The following STXBP5 variants were observed in gnomAD, a reference collection of about 807,000 sequenced individuals.
The protein encoded by STXBP5 is syntaxin-binding protein 5.
STXBP5 carries 50 observed loss-of-function variants against 152.4 expected under a neutral mutation model. That is an observed-to-expected ratio of 0.33 (90% CI 0.26 to 0.42). The LOEUF (loss-of-function observed/expected upper bound fraction) is 0.42, where lower values mean the gene tolerates loss of function less well. Among genes scored for constraint, STXBP5 ranks in the 10% least tolerant of loss-of-function variants. The pLI, the probability that STXBP5 is intolerant of heterozygous loss-of-function variation, is 1.00. For synonymous variants in STXBP5, 492 were observed against 494.7 expected (o/e 0.99, Z 0.07); for missense variants, 1,167 against 1,388.6 (o/e 0.84, Z 2.54).
intron 9 of STXBP5, among the ~76,000 whole-genome samples, chr6:147,304,201 G>A (rs757258662): frequency 4.6e-5 from 7 of 152,094 alleles, no homozygotes; most frequent in African/African-American, 2.4e-5. Flanking sequence ...AAATGTTTTC[G>A]AGGGCCAGAT....
At chr6:147,278,248 A>C (rs368386128) in intron 8 of STXBP5, 44 bp downstream of exon 8, 2 of 1,492,604 alleles carry the variant, frequency 1.3e-6, no homozygotes, top group Non-Finnish European at 1.8e-6. Flanking sequence ...TGTAACGTAC[A>C]GTAAACTGTT....
intron 6 of STXBP5, among the ~76,000 whole-genome samples, chr6:147,265,828 C>G (rs958407258): frequency 2.6e-5 from 4 of 151,900 alleles, no homozygotes; most frequent in Non-Finnish European, 5.9e-5. Context: ...TAATCCTTGC[C>G]CCGATATCCC....
intron 8 of STXBP5, among the ~76,000 whole-genome samples, chr6:147,290,310 A>G (rs772220141): frequency 6.6e-6 from 1 of 152,210 alleles, no homozygotes; most frequent in Non-Finnish European, 1.5e-5. Context: ...GAATGTGACA[A>G]GTGCTATGGA....
intron 22 of STXBP5, among the ~76,000 whole-genome samples, chr6:147,357,002 A>C (rs1784844494): frequency 6.6e-6 from 1 of 152,172 alleles, no homozygotes; most frequent in African/African-American, 2.4e-5. Context: ...GTGTTTATTG[A>C]ATTCCTTTCA....
At chr6:147,269,272 G>T (rs619626) in intron 7 of STXBP5, among the ~76,000 whole-genome samples, 79,851 of 151,948 alleles carry the variant, frequency 0.53, 21,534 homozygotes, top group East Asian at 0.72. Flanking sequence ...AGCTGTTGTT[G>T]CAGTGGTGGA....
chr6:147,288,154 A>G (rs1339516349), intron 8 of STXBP5, among the ~76,000 whole-genome samples: 4 of 152,108 alleles, frequency 2.6e-5, no homozygotes, highest in African/African-American at 9.7e-5. Context: ...GGCAGCTGTA[A>G]TACTTCCAAC....
chr6:147,290,033 G>T (rs937770343), intron 8 of STXBP5, among the ~76,000 whole-genome samples: 2 of 152,006 alleles, frequency 1.3e-5, no homozygotes, highest in Non-Finnish European at 2.9e-5. Context: ...AACCCCATCT[G>T]TCATCTCTAC....
chr6:147,222,833 T>G (rs1777525825), intron 2 of STXBP5, among the ~76,000 whole-genome samples: 1 of 152,236 alleles, frequency 6.6e-6, no homozygotes, highest in Non-Finnish European at 1.5e-5. Flanking sequence ...TCTCTATGAC[T>G]GGGTTCCCCT....
At chr6:147,341,851 A>AT (rs1293143825) in intron 21 of STXBP5, among the ~76,000 whole-genome samples, 1 of 151,902 alleles carries the variant, frequency 6.6e-6, no homozygotes, top group East Asian at 1.9e-4. Flanking sequence ...TTATCTTATA[A>AT]TTTTTCTGGC....
rs1303728126 is a variant in STXBP5 at position 147,373,827 on chromosome 6, G to A, written c.3178G>A (p.Asp1060Asn). 2.5e-6 allele frequency: 4 copies of A among 1,610,716 alleles called. No homozygotes were observed. Among genetic ancestry groups the A allele is most frequent in the Admixed American group, 1.7e-5 (1 of 59,982 alleles). The part of the protein sequence containing the change: ...GLFGGGAQSL[D>N]REELFGESSS... Reference sequence around the variant, plus strand: ...ATTTGGAGGTGGTGCACAATCTCTTGACAGAGAAGAACTATGTAAGTTGAT... The same window carrying A: ...ATTTGGAGGTGGTGCACAATCTCTTAACAGAGAAGAACTATGTAAGTTGAT... The change falls in exon 26 of 28, where the codon GAC (aspartate) becomes AAC (asparagine). Residue 1060 changes from aspartate (D) to asparagine (N), a missense_variant. By Grantham distance (23) the Asp-to-Asn change is conservative. Coordinates refer to ENST00000321680, the MANE Select transcript of STXBP5 (RefSeq NM_001127715.4).
At chr6:147,294,247 C>T (rs1305117553) in intron 9 of STXBP5, among the ~76,000 whole-genome samples, 3 of 151,912 alleles carry the variant, frequency 2.0e-5, no homozygotes, top group Non-Finnish European at 4.4e-5. Flanking sequence ...GTGTGAACTC[C>T]GGAGTCAGAC....
At chr6:147,262,396 T>G (rs775859964) in intron 6 of STXBP5, 43 bp downstream of exon 6, 1 of 1,226,838 alleles carries the variant, frequency 8.2e-7, no homozygotes, top group South Asian at 1.5e-5. Context: ...TGCACAAATT[T>G]TAGTATTTTT....
intron 2 of STXBP5, among the ~76,000 whole-genome samples, chr6:147,233,532 TATTC>T (rs1462540054): frequency 2.0e-5 from 3 of 151,756 alleles, no homozygotes; most frequent in Non-Finnish European, 4.4e-5. Context: ...AAAATCAACT[TATTC>T]ATTGATTCCG....
Position 147,339,353 on chromosome 6 carries a change from A to G in STXBP5, c.2223A>G (p.Arg741=), listed in dbSNP as rs571568363. 41 of 1,500,372 alleles carry G rather than the reference A, an allele frequency of 2.7e-5. No homozygotes were observed. The East Asian group carries it at 1.0e-3, about 37-fold the overall frequency. The allele number at this position is 1,500,372 out of a possible 1,614,324, so 92.9% of individuals were successfully genotyped here. A position where few individuals can be genotyped will look rare whatever the true frequency, so the allele number is the denominator to read the frequency against. Residue 741 remains arginine (R), a synonymous_variant, in exon 21 of 28, where the codon AGA becomes AGG. Coordinates refer to ENST00000321680, the MANE Select transcript of STXBP5 (RefSeq NM_001127715.4). ...TGTTTTCAGTGAAGACCAAAAGCAGAAAGTTTTCCAAGATGGTAGCCAATG... is the reference window on the plus strand; with the variant it reads ...TGTTTTCAGTGAAGACCAAAAGCAGGAAGTTTTCCAAGATGGTAGCCAATG... The part of the protein sequence containing the change: ...NFIEKVKTKS[R]KFSKMVANDI...
chr6:147,356,576 A>G (rs891088686), intron 22 of STXBP5, among the ~76,000 whole-genome samples: 2 of 152,032 alleles, frequency 1.3e-5, no homozygotes, highest in African/African-American at 2.4e-5. Flanking sequence ...TGGAAATGCA[A>G]TCTCAAGCAA....
Position 147,359,142 on chromosome 6 carries a change from A to G in STXBP5, c.2364A>G (p.Lys788=). ...SRSSSVTSID[K]ESREAISALH... ...GTTCAAGTGTAACAAGCATTGACAA[A>G]GAATCCCGAGAAGCGATCTCCGCTC... The change falls in exon 23 of 28, where the codon AAA becomes AAG. Residue 788 remains lysine, a synonymous_variant. Transcript: ENST00000321680. 1 of 1,614,026 alleles carries G rather than the reference A, an allele frequency of 6.2e-7. No individual in the cohort carries two copies. Among genetic ancestry groups the G allele is most frequent in the Non-Finnish European group, 8.5e-7 (1 of 1,179,922 alleles).
At chr6:147,351,974 A>G (rs1784606511) in intron 21 of STXBP5, 1 of 817,804 alleles carries the variant, frequency 1.2e-6, no homozygotes, top group African/African-American at 1.8e-5. Flanking sequence ...TGCTTTTTGA[A>G]AATTTCACAT....
Position 147,373,820 on chromosome 6 carries a change from A to G in STXBP5, c.3171A>G (p.Gln1057=), listed in dbSNP as rs1785678891. 4 of 1,612,680 alleles carry G rather than the reference A, an allele frequency of 2.5e-6. No homozygotes were observed. The highest frequency in any genetic ancestry group is 8.5e-7 in the Non-Finnish European group (1 of 1,178,946). Reference sequence around the variant, plus strand: ...AAGGCTTATTTGGAGGTGGTGCACAATCTCTTGACAGAGAAGAACTATGTA... The same window carrying G: ...AAGGCTTATTTGGAGGTGGTGCACAGTCTCTTGACAGAGAAGAACTATGTA... ...FFKGLFGGGA[Q]SLDREELFGE... Residue 1057 remains glutamine, a synonymous_variant, in exon 26 of 28, where the codon CAA becomes CAG. Transcript: ENST00000321680.
rs1364371297 is a variant in STXBP5, at chr6:147,324,509, A to G, written c.1803-450A>G. ...GATGGTCTTGAACTGACCTCAGGTG[A>G]TCTGCCCTTCTCGGCTTCCCAAAGT... On this transcript the variant is annotated intron_variant, in intron 16 of 27. Transcript: ENST00000321680. Among the ~76,000 whole-genome samples, 8 of 152,054 alleles carry G rather than the reference A, an allele frequency of 5.3e-5. No individual in the cohort carries two copies. The South Asian group carries it at 1.7e-3, about 32-fold the overall frequency.
Sources: gnomAD v4.1 joint callset for allele counts (sites outside exome capture counted in the v4.1 genomes callset) on GRCh38, gnomAD v4.1.1 for gene constraint, MANE v1.5 for transcripts, NCBI Gene and HGNC (gene_info 2026-07-23, HGNC 2026-07-21) for gene names.